The following NTM variants were observed in gnomAD, a reference collection of about 807,000 sequenced individuals.
NTM encodes the protein neurotrimin.
Under a neutral mutation model 42.1 loss-of-function variants are expected in NTM, and 13 were observed. The observed-to-expected ratio is 0.31, with a 90% CI of 0.20 to 0.49. The LOEUF (loss-of-function observed/expected upper bound fraction) is 0.49. Among genes scored for constraint, NTM ranks in the 20% least tolerant of loss-of-function variants. NTM has a pLI of 0.99. For missense variants in NTM, 373 were observed against 452.8 expected (o/e 0.82, Z 1.60); for synonymous variants, 187 against 179.2 (o/e 1.04, Z -0.35).
intron 1 of NTM, among the ~76,000 whole-genome samples, chr11:131,514,814 C>T (rs2048691070): frequency 2.0e-5 from 3 of 152,058 alleles, no homozygotes; most frequent in Admixed American, 1.3e-4. Flanking sequence ...TGGTATTGAA[C>T]TCCTAAGGCT....
intron 4 of NTM, among the ~76,000 whole-genome samples, chr11:132,267,841 CAAAAAAAA>C (rs61564878): frequency 7.3e-6 from 1 of 137,146 alleles, no homozygotes; most frequent in Non-Finnish European, 1.6e-5. Context: ...GACTCCATCT[CAAAAAAAA>C]AAAAACAAAA....
chr11:131,773,969 T>G, intron 1 of NTM: 1 of 979,142 alleles, frequency 1.0e-6, no homozygotes. Flanking sequence ...AATCCAATAG[T>G]GTTAAGGACC....
At chr11:132,029,064 T>A (rs371805530) in intron 2 of NTM, among the ~76,000 whole-genome samples, 1 of 1,878 alleles carries the variant, frequency 5.3e-4, no homozygotes, top group Non-Finnish European at 7.1e-4. Context: ...TGGTGTGGGT[T>A]TTTTTTTTTG....
rs1178560878 is a variant in NTM, at chr11:131,552,123, G to A, written c.82+181235G>A. Among the ~76,000 whole-genome samples the A allele has an allele frequency of 3.9e-5, 6 of 152,244 alleles. No individual in the cohort carries two copies. The South Asian group carries it at 1.0e-3, about 26-fold the overall frequency. ...AATAAAAAGGCACACCCACCAGAAT[G>A]AGGAAGGAAAGAAGGAAAAGAGCTG... On this transcript the variant is annotated intron_variant, in intron 1 of 8. Transcript: ENST00000683400.
chr11:131,747,770 A>G (rs953757594), intron 1 of NTM, among the ~76,000 whole-genome samples: 10 of 152,178 alleles, frequency 6.6e-5, no homozygotes, highest in African/African-American at 2.2e-4. Context: ...GAATTTCCTG[A>G]AAGCTCCATG....
intron 4 of NTM, among the ~76,000 whole-genome samples, chr11:132,229,169 A>G (rs1369170307): frequency 1.3e-5 from 2 of 152,138 alleles, no homozygotes; most frequent in African/African-American, 4.8e-5. Flanking sequence ...TAGCTTGGCT[A>G]TGTTCCAGGC....
intron 1 of NTM, among the ~76,000 whole-genome samples, chr11:131,733,910 T>C (rs1307259628): frequency 6.6e-6 from 1 of 152,266 alleles, no homozygotes; most frequent in African/African-American, 2.4e-5. Context: ...ATTACCATAT[T>C]GTTGATCATT....
intron 1 of NTM, among the ~76,000 whole-genome samples, chr11:131,754,438 A>G (rs2083040066): frequency 6.6e-6 from 1 of 152,186 alleles, no homozygotes; most frequent in African/African-American, 2.4e-5. Flanking sequence ...CAGCCTGGCC[A>G]ACATGGCGAA....
intron 3 of NTM, among the ~76,000 whole-genome samples, chr11:132,179,195 C>T (rs1329285062): frequency 1.3e-5 from 2 of 152,094 alleles, no homozygotes; most frequent in Non-Finnish European, 2.9e-5. Context: ...AAAACCAAAC[C>T]GGATCAAGGT....
At chr11:131,581,128 C>G (rs1022642629) in intron 1 of NTM, among the ~76,000 whole-genome samples, 2 of 152,212 alleles carry the variant, frequency 1.3e-5, no homozygotes, top group African/African-American at 2.4e-5. Flanking sequence ...TTCAAGTCTT[C>G]TTGGTCATGG....
intron 1 of NTM, among the ~76,000 whole-genome samples, chr11:131,770,187 A>C (rs963251283): frequency 5.9e-5 from 9 of 152,224 alleles, no homozygotes; most frequent in African/African-American, 1.9e-4. Context: ...ACCAGGTAGC[A>C]GGATTCTAGT....
chr11:131,401,820 A>ATATATATATATATGTG lies in NTM; in HGVS notation c.82+30945_82+30946insGTGTATATATATATAT, dbSNP rs1565465338. On this transcript the variant is annotated intron_variant, in intron 1 of 8. Transcript: ENST00000683400. ...TGGAAATATATATATATATATATATATATATATATATATATATATATATAT... is the reference window on the plus strand; with the variant it reads ...TGGAAATATATATATATATATATATATATATATATATATGTGTATATATATATATATATATATATAT... Among the ~76,000 whole-genome samples, 25 of 49,914 alleles carry ATATATATATATATGTG rather than the reference A, an allele frequency of 5.0e-4. 1 individual carries two copies. The highest frequency in any genetic ancestry group is 8.3e-4 in the Non-Finnish European group (21 of 25,216). 32.7% of individuals were successfully genotyped at this position (49,914 alleles called of 152,430 possible).
intron 1 of NTM, among the ~76,000 whole-genome samples, chr11:131,451,702 C>T (rs780482352): frequency 7.9e-5 from 12 of 152,208 alleles, no homozygotes; most frequent in African/African-American, 1.4e-4. Context: ...GAGGCTCTAG[C>T]GGCAGAGGTG....
intron 1 of NTM, among the ~76,000 whole-genome samples, chr11:131,388,605 G>A (rs1943609887): frequency 6.6e-6 from 1 of 152,034 alleles, no homozygotes; most frequent in Admixed American, 6.6e-5. Context: ...ATTTTAATAG[G>A]AATGTGTATG....
chr11:131,806,042 G>T (rs2092463608), intron 1 of NTM, among the ~76,000 whole-genome samples: 1 of 152,122 alleles, frequency 6.6e-6, no homozygotes, highest in South Asian at 2.1e-4. Context: ...AGTGTTGTTA[G>T]CAGAAATTTT....
intron 2 of NTM, among the ~76,000 whole-genome samples, chr11:131,939,690 A>C (rs550068036): frequency 1.1e-4 from 16 of 152,308 alleles, no homozygotes; most frequent in Middle Eastern, 3.4e-3. Context: ...GATTCTTGCA[A>C]GCTGCTCATC....
At chr11:131,763,054 T>C (rs2084483879) in intron 1 of NTM, among the ~76,000 whole-genome samples, 1 of 152,224 alleles carries the variant, frequency 6.6e-6, no homozygotes, top group Non-Finnish European at 1.5e-5. Context: ...GCCATCACTT[T>C]GGCATCCCAA....
At chr11:131,662,931 A>G (rs1015288170) in intron 1 of NTM, among the ~76,000 whole-genome samples, 2 of 152,196 alleles carry the variant, frequency 1.3e-5, no homozygotes, top group African/African-American at 4.8e-5. Flanking sequence ...AACATGTTCC[A>G]CAGAGCATAT....
chr11:131,479,380 G>A (rs1953301458), intron 1 of NTM, among the ~76,000 whole-genome samples: 1 of 152,182 alleles, frequency 6.6e-6, no homozygotes, highest in Non-Finnish European at 1.5e-5. Flanking sequence ...AGCATGAGAG[G>A]TTCGAAGAAC....
Sources: gnomAD v4.1 joint callset for allele counts (sites outside exome capture counted in the v4.1 genomes callset) on GRCh38, gnomAD v4.1.1 for gene constraint, MANE v1.5 for transcripts, NCBI Gene and HGNC (gene_info 2026-07-23, HGNC 2026-07-21) for gene names.